Variants in CYRIB observed in about 807,000 individuals in gnomAD.
CYRIB encodes the protein CYFIP related Rac1 interactor B.
Under a neutral mutation model 44.2 loss-of-function variants are expected in CYRIB, and 8 were observed. That is an observed-to-expected ratio of 0.18 (90% CI 0.11 to 0.33). The LOEUF (loss-of-function observed/expected upper bound fraction) is 0.33. Ranked by LOEUF, CYRIB falls within the 10% of genes least tolerant of loss-of-function variation. The probability of loss-of-function intolerance (pLI) is 1.00; values close to 1 mark genes in which losing one functional copy is unlikely to be tolerated. For missense variants in CYRIB, 185 were observed against 382.8 expected, an observed-to-expected ratio of 0.48 and a Z score of 4.31; for synonymous variants, 131 against 127.2, an observed-to-expected ratio of 1.03 and a Z score of -0.20.
intron 1 of CYRIB, among the ~76,000 whole-genome samples, chr8:129,921,592 G>T (rs1386335922): frequency 6.6e-6 from 1 of 152,038 alleles, no homozygotes; most frequent in South Asian, 2.1e-4. Flanking sequence ...ATTTTTTTTG[G>T]AGAGACAAGG....
At chr8:129,860,771 A>G (rs2048951072) in intron 5 of CYRIB, among the ~76,000 whole-genome samples, 1 of 152,156 alleles carries the variant, frequency 6.6e-6, no homozygotes, top group Non-Finnish European at 1.5e-5. Flanking sequence ...CAAACTAGAA[A>G]GCACAAGTCC....
intron 2 of CYRIB, among the ~76,000 whole-genome samples, chr8:129,961,754 T>C (rs1314535555): frequency 1.3e-5 from 2 of 152,174 alleles, no homozygotes; most frequent in African/African-American, 4.8e-5. Context: ...AAGAGAACTA[T>C]GGCAAAACCC....
chr8:129,928,136 A>G lies in CYRIB; in HGVS notation c.-50+11472T>C, dbSNP rs1036394439. On this transcript the variant is annotated intron_variant, in intron 1 of 11. Transcript: ENST00000519824. ...ATTCTTAACAGCAAAAAAAAAAAAAAGTTAAACTAGACTCTACCAAGTGAA... is the reference window on the plus strand; with the variant it reads ...ATTCTTAACAGCAAAAAAAAAAAAAGGTTAAACTAGACTCTACCAAGTGAA... Among the ~76,000 whole-genome samples, 8 of 151,944 alleles carry G rather than the reference A, an allele frequency of 5.3e-5. No homozygotes were observed. In the East Asian group the frequency reaches 1.4e-3, roughly 26 times the overall value.
Position 129,850,585 on chromosome 8 carries a change from A to G in CYRIB, c.713+250T>C, listed in dbSNP as rs1200425026. The G allele has an allele frequency of 1.3e-5, 6 of 477,292 alleles. No homozygotes were observed. In the South Asian group the frequency reaches 1.3e-4, roughly 10 times the overall value. 29.6% of individuals were successfully genotyped at this position (477,292 alleles called of 1,614,324 possible). ...CACTTCTGTTCTGAGAAGAGAACTA[A>G]GAGTCTGAGTCAGTCTGAGTGGTCT... On this transcript the variant is annotated intron_variant, in intron 9 of 11. Coordinates refer to ENST00000519824, the Ensembl canonical transcript of CYRIB.
At position 129,852,045 on chromosome 8, in the gene CYRIB, T is replaced by C. The variant is rs374662950; in HGVS notation, c.633+117A>G. 477 of 544,934 alleles carry C rather than the reference T, an allele frequency of 8.8e-4. 5 individuals carry two copies. The highest frequency in any genetic ancestry group is 8.5e-3 in the African/African-American group (439 of 51,580). The allele number at this position is 544,934 out of a possible 1,614,324, so 33.8% of individuals were successfully genotyped here. ...CAGAAAAAAGTCAGGACTCAACACA[T>C]ACATCTGGGAGTCTGTTGGTTTCAA... On this transcript the variant is annotated intron_variant, in intron 8 of 11. Transcript: ENST00000519824.
intron 3 of CYRIB, among the ~76,000 whole-genome samples, chr8:129,875,096 C>T (rs1240983499): frequency 1.3e-5 from 2 of 152,148 alleles, no homozygotes; most frequent in African/African-American, 4.8e-5. Flanking sequence ...GGAAAGGACA[C>T]AAAACTAAAT....
chr8:130,006,057 CT>C (rs1300032005), intron 1 of CYRIB, among the ~76,000 whole-genome samples: 2 of 152,184 alleles, frequency 1.3e-5, no homozygotes, highest in Admixed American at 1.3e-4. Flanking sequence ...AATCCCAGCA[CT>C]TTGGGAGGCC....
chr8:129,880,647 A>C (rs1208917896), intron 2 of CYRIB, among the ~76,000 whole-genome samples: 1 of 152,208 alleles, frequency 6.6e-6, no homozygotes, highest in East Asian at 1.9e-4. Flanking sequence ...TCTTTTCCAC[A>C]TATCAAAAAA....
Position 129,969,484 on chromosome 8 carries a change from T to C in CYRIB, c.-243+1459A>G, listed in dbSNP as rs147632357. 4.7e-4 allele frequency among the ~76,000 whole-genome samples: 72 copies of C among 152,336 alleles called. 1 individual carries two copies. The highest frequency in any genetic ancestry group is 1.7e-3 in the African/African-American group (69 of 41,574). On this transcript the variant is annotated intron_variant, in intron 2 of 14. Coordinates refer to the CYRIB transcript ENST00000401979. ...TCACTAAATTTAATATAACCACTTA[T>C]CCACACTTGAGTTCTGCCCACATTA...
intron 2 of CYRIB, among the ~76,000 whole-genome samples, chr8:129,886,203 T>C (rs1488057631): frequency 1.3e-5 from 2 of 152,252 alleles, no homozygotes; most frequent in Non-Finnish European, 2.9e-5. Context: ...TTGGCTTTTA[T>C]GCCCACTACA....
At chr8:129,902,465 C>A (rs370631534) in intron 2 of CYRIB, among the ~76,000 whole-genome samples, 19 of 152,232 alleles carry the variant, frequency 1.2e-4, no homozygotes, top group Non-Finnish European at 2.5e-4. Flanking sequence ...GGTGATCCAC[C>A]CACCTCGGCC....
intron 1 of CYRIB, among the ~76,000 whole-genome samples, chr8:130,012,714 A>G (rs1303529083): frequency 1.3e-5 from 2 of 152,212 alleles, no homozygotes; most frequent in African/African-American, 4.8e-5. Flanking sequence ...ATGTGAACCC[A>G]GGCTGTAGGG....
intron 11 of CYRIB, among the ~76,000 whole-genome samples, chr8:129,846,084 AT>A (rs1421833706): frequency 6.6e-6 from 1 of 152,246 alleles, no homozygotes; most frequent in Non-Finnish European, 1.5e-5. Context: ...ATAAGCCAAG[AT>A]TGTGCCACTG....
intron 2 of CYRIB, among the ~76,000 whole-genome samples, chr8:129,970,287 G>T (rs1196650969): frequency 6.6e-6 from 1 of 152,064 alleles, no homozygotes; most frequent in East Asian, 1.9e-4. Flanking sequence ...CTAGGAAACC[G>T]GGGGAAAAAA....
chr8:129,927,974 A>G (rs1293349466), intron 1 of CYRIB, among the ~76,000 whole-genome samples: 1 of 152,198 alleles, frequency 6.6e-6, no homozygotes, highest in Non-Finnish European at 1.5e-5. Flanking sequence ...AGTAACTTAC[A>G]CCATAAAGTT....
chr8:129,842,186 T>G, exon 12 of CYRIB: 1 of 1,612,204 alleles, frequency 6.2e-7, no homozygotes, highest in African/African-American at 1.3e-5. Flanking sequence ...GTCTCATCAT[T>G]CAAATGTTTT....
chr8:129,951,195 T>C (rs2094483050), intron 2 of CYRIB, among the ~76,000 whole-genome samples: 1 of 151,882 alleles, frequency 6.6e-6, no homozygotes, highest in South Asian at 2.1e-4. Flanking sequence ...TCCCAGTTAC[T>C]CGGGAGGCTG....
chr8:129,994,620 T>C (rs1348876077), intron 1 of CYRIB, among the ~76,000 whole-genome samples: 1 of 152,188 alleles, frequency 6.6e-6, no homozygotes, highest in African/African-American at 2.4e-5. Context: ...CGTTTCACCA[T>C]GTCACCAAGG....
At chr8:129,981,953 G>T (rs191978121) in intron 1 of CYRIB, among the ~76,000 whole-genome samples, 2 of 152,184 alleles carry the variant, frequency 1.3e-5, no homozygotes, top group Non-Finnish European at 2.9e-5. Flanking sequence ...TAGCTTCCCC[G>T]CTGGACTGAG....
Sources: allele counts gnomAD v4.1 joint callset (sites outside exome capture counted in the v4.1 genomes callset), GRCh38; gene constraint gnomAD v4.1.1; transcripts MANE v1.5; gene names NCBI Gene and HGNC (gene_info 2026-07-23, HGNC 2026-07-21).